The following DPP10 variants were observed in gnomAD, a reference collection of about 807,000 sequenced individuals.
DPP10 encodes the protein dipeptidyl peptidase like 10.
A neutral mutation model predicts 120.9 loss-of-function variants in DPP10; 33 were observed. That is an observed-to-expected ratio of 0.27 (90% CI 0.21 to 0.37). DPP10 has a LOEUF of 0.37. Ranked by LOEUF, DPP10 falls within the 10% of genes least tolerant of loss-of-function variation. The probability of loss-of-function intolerance (pLI) is 1.00; values close to 1 mark genes in which losing one functional copy is unlikely to be tolerated. For missense variants in DPP10, 816 were observed against 942.8 expected (o/e 0.87, Z 1.76); for synonymous variants, 337 against 326.1 (o/e 1.03, Z -0.36).
At chr2:115,476,365 C>G (rs562945302) in intron 3 of DPP10, among the ~76,000 whole-genome samples, 2 of 152,242 alleles carry the variant, frequency 1.3e-5, no homozygotes, top group African/African-American at 4.8e-5. Context: ...TTGTAAGCTT[C>G]CTGAGGCCTC....
At chr2:115,739,676 T>C in intron 8 of DPP10, 63 bp from the exon 9 acceptor site, 2 of 1,524,378 alleles carry the variant, frequency 1.3e-6, no homozygotes, top group Non-Finnish European at 1.8e-6. Flanking sequence ...CAAGGACAGA[T>C]GTTTGTGGGT....
intron 1 of DPP10, among the ~76,000 whole-genome samples, chr2:115,090,479 T>C (rs1178092371): frequency 1.3e-5 from 2 of 152,144 alleles, no homozygotes; most frequent in African/African-American, 4.8e-5. Context: ...GGACTTGCAC[T>C]TGCCTCGGGA....
At chr2:115,026,866 T>C (rs756701509) in intron 1 of DPP10, among the ~76,000 whole-genome samples, 10 of 152,156 alleles carry the variant, frequency 6.6e-5, no homozygotes, top group Non-Finnish European at 1.5e-4. Flanking sequence ...AGAATATCCT[T>C]GGTATTTTGA....
intron 5 of DPP10, among the ~76,000 whole-genome samples, chr2:115,568,697 T>C (rs752602167): frequency 6.6e-6 from 1 of 152,132 alleles, no homozygotes; most frequent in Non-Finnish European, 1.5e-5. Context: ...TTCTGCTCAT[T>C]CCCATGGAGT....
intron 1 of DPP10, among the ~76,000 whole-genome samples, chr2:115,073,342 C>G (rs1707526426): frequency 6.6e-6 from 1 of 152,130 alleles, no homozygotes; most frequent in South Asian, 2.1e-4. Context: ...TTTTAAAATC[C>G]CCACTGGTCA....
chr2:114,987,966 G>A (rs902809600), intron 1 of DPP10, among the ~76,000 whole-genome samples: 2 of 151,810 alleles, frequency 1.3e-5, no homozygotes, highest in Admixed American at 1.3e-4. Context: ...ACCACGCCCG[G>A]CTAATTTTTT....
At chr2:115,526,141 A>G in intron 5 of DPP10, 169 bp downstream of exon 5, 1 of 527,998 alleles carries the variant, frequency 1.9e-6, no homozygotes, top group Non-Finnish European at 3.3e-6. Flanking sequence ...TAATGTCCAA[A>G]CATCTTCCAT....
At chr2:115,788,842 C>A (rs535868656) in intron 17 of DPP10, among the ~76,000 whole-genome samples, 1 of 152,094 alleles carries the variant, frequency 6.6e-6, no homozygotes, top group South Asian at 2.1e-4. Flanking sequence ...GCAGGCCAGG[C>A]GCGGTGGCTC....
At chr2:115,115,894 A>G (rs968706597) in intron 1 of DPP10, among the ~76,000 whole-genome samples, 2 of 152,204 alleles carry the variant, frequency 1.3e-5, no homozygotes, top group Admixed American at 1.3e-4. Flanking sequence ...CAGGGATCGC[A>G]AAGTACTTTG....
At chr2:114,642,209 T>G (rs1695760549) in intron 1 of DPP10, among the ~76,000 whole-genome samples, 1 of 151,846 alleles carries the variant, frequency 6.6e-6, no homozygotes, top group Non-Finnish European at 1.5e-5. Context: ...CCTCCTGAGC[T>G]CCTTAATATA....
chr2:115,733,703 C>G (rs1270277681), intron 8 of DPP10, among the ~76,000 whole-genome samples: 1 of 151,992 alleles, frequency 6.6e-6, no homozygotes, highest in African/African-American at 2.4e-5. Flanking sequence ...TTGCTTTTTA[C>G]AATAACACAT....
Position 114,536,332 on chromosome 2 carries a change from C to T in DPP10, c.60+93494C>T, listed in dbSNP as rs982876137. On this transcript the variant is annotated intron_variant, in intron 1 of 25. Transcript: ENST00000410059. ...ATTTCAGCCATTTAGATTTAAAATTCACTCACTGGCCTAGGATTAAGGTAA... is the reference window on the plus strand; with the variant it reads ...ATTTCAGCCATTTAGATTTAAAATTTACTCACTGGCCTAGGATTAAGGTAA... Among the ~76,000 whole-genome samples, 7 of 151,910 alleles carry T rather than the reference C, an allele frequency of 4.6e-5. No homozygotes were observed. In the East Asian group the frequency reaches 1.4e-3, roughly 29 times the overall value.
intron 1 of DPP10, among the ~76,000 whole-genome samples, chr2:115,005,132 C>T (rs1402067690): frequency 3.3e-5 from 5 of 151,862 alleles, no homozygotes; most frequent in African/African-American, 9.7e-5. Context: ...CTGCAGGGTA[C>T]TCCAACAGAC....
At chr2:115,386,162 A>G (rs1302354454) in intron 3 of DPP10, among the ~76,000 whole-genome samples, 1 of 152,210 alleles carries the variant, frequency 6.6e-6, no homozygotes, top group Non-Finnish European at 1.5e-5. Context: ...AGTAATTAAA[A>G]TACTATTAAT....
rs532006390 is a variant in DPP10, at chr2:114,775,503, G to A, written c.60+332665G>A. Among the ~76,000 whole-genome samples, 4 of 152,230 alleles carry A rather than the reference G, an allele frequency of 2.6e-5. No individual in the cohort carries two copies. In the South Asian group the frequency reaches 6.2e-4, roughly 24 times the overall value. On this transcript the variant is annotated intron_variant, in intron 1 of 25. Transcript: ENST00000410059. ...GTCAGCATTTTTGTCCCACTTCTGGGCATCCTGAAAATCCTTTCTTCTTTG... is the reference window on the plus strand; with the variant it reads ...GTCAGCATTTTTGTCCCACTTCTGGACATCCTGAAAATCCTTTCTTCTTTG...
chr2:114,552,747 T>C (rs1687986806), intron 1 of DPP10, among the ~76,000 whole-genome samples: 1 of 152,168 alleles, frequency 6.6e-6, no homozygotes, highest in South Asian at 2.1e-4. Context: ...GGTTTCACCA[T>C]GTTGGCCAGG....
intron 1 of DPP10, among the ~76,000 whole-genome samples, chr2:114,550,460 G>A (rs893232020): frequency 2.0e-5 from 3 of 152,234 alleles, no homozygotes; most frequent in Non-Finnish European, 2.9e-5. Flanking sequence ...AGGTCACACA[G>A]CCAGTAAGGA....
intron 1 of DPP10, among the ~76,000 whole-genome samples, chr2:114,961,033 CTTTTTTTTTTTTTTT>C (rs772146022): frequency 1.1e-3 from 55 of 52,026 alleles, no homozygotes; most frequent in African/African-American, 4.0e-3. Context: ...CTCTATACGC[CTTTTTTTTTTTTTTT>C]TTTTTTTTTT....
At chr2:115,717,054 T>G (rs1170151409) in intron 7 of DPP10, among the ~76,000 whole-genome samples, 1 of 152,210 alleles carries the variant, frequency 6.6e-6, no homozygotes, top group Non-Finnish European at 1.5e-5. Context: ...GAGGCTGAAA[T>G]GCATATGCAG....
Sources: allele counts gnomAD v4.1 joint callset (sites outside exome capture counted in the v4.1 genomes callset), GRCh38; gene constraint gnomAD v4.1.1; transcripts MANE v1.5; gene names NCBI Gene and HGNC (gene_info 2026-07-23, HGNC 2026-07-21).